TSNARE1: variants seen among roughly 807,000 people sequenced by gnomAD.
The protein encoded by TSNARE1 is t-SNARE domain-containing protein 1.
A neutral mutation model predicts 62.0 loss-of-function variants in TSNARE1; 49 were observed. The observed-to-expected ratio is 0.79, with a 90% CI of 0.63 to 1.00. TSNARE1 has a LOEUF of 1.00. Ranked by LOEUF, TSNARE1 falls within the 50% of genes least tolerant of loss-of-function variation. The pLI is 0.00. For synonymous variants in TSNARE1, 328 were observed against 294.4 expected (o/e 1.11, Z -1.17); for missense variants, 755 against 700.1 (o/e 1.08, Z -0.88).
intron 2 of TSNARE1, among the ~76,000 whole-genome samples, chr8:142,346,975 A>T (rs1323648216): frequency 6.6e-6 from 1 of 152,160 alleles, no homozygotes; most frequent in Non-Finnish European, 1.5e-5. Flanking sequence ...TACCTGGTCC[A>T]TCCTCCTGCC....
At chr8:142,373,857 G>C (rs367741375) in intron 1 of TSNARE1, among the ~76,000 whole-genome samples, 1 of 152,138 alleles carries the variant, frequency 6.6e-6, no homozygotes, top group African/African-American at 2.4e-5. Context: ...GGAGAGGGAC[G>C]GCCAGGGAGG....
chr8:142,281,115 C>G (rs1821375611), intron 11 of TSNARE1, among the ~76,000 whole-genome samples: 1 of 152,190 alleles, frequency 6.6e-6, no homozygotes, highest in South Asian at 2.1e-4. Context: ...GTTCTCGGCA[C>G]AGGCCCCAAG....
intron 1 of TSNARE1, among the ~76,000 whole-genome samples, chr8:142,379,916 G>A (rs1030621299): frequency 6.6e-6 from 1 of 152,234 alleles, no homozygotes; most frequent in African/African-American, 2.4e-5. Flanking sequence ...GGGAAAGGAA[G>A]CATCTAATCC....
rs1185560689 is a variant in TSNARE1 at position 142,343,981 on chromosome 8, G to A, written c.730C>T (p.Leu244=). 1 of 1,535,910 alleles carries A rather than the reference G, an allele frequency of 6.5e-7. No individual in the cohort carries two copies. Among genetic ancestry groups the A allele is most frequent in the Admixed American group, 2.0e-5 (1 of 50,538 alleles). The change falls in exon 4 of 14, where the codon CTG becomes TTG. Residue 244 remains leucine (L), a synonymous_variant. Coordinates refer to ENST00000524325, the MANE Select transcript of TSNARE1 (RefSeq NM_145003.5). ...AGGAACTCACCTCTGGGCGGCTCCA[G>A]ACTGAAGCCCTCGGAGGGCAGGGCC... ...CQALPSEGFS[L]EPPRATQVDP...
At chr8:142,213,420 C>T (rs1334133390) in intron 13 of TSNARE1, among the ~76,000 whole-genome samples, 1 of 150,610 alleles carries the variant, frequency 6.6e-6, no homozygotes, top group Non-Finnish European at 1.5e-5. Context: ...CTTCTCTGTA[C>T]TTTTCCATGA....
intron 1 of TSNARE1, among the ~76,000 whole-genome samples, chr8:142,394,603 G>A (rs1396349115): frequency 6.6e-6 from 1 of 152,144 alleles, no homozygotes; most frequent in Non-Finnish European, 1.5e-5. Context: ...CAGTTTCTAC[G>A]GCCAGACCCC....
intron 12 of TSNARE1, among the ~76,000 whole-genome samples, chr8:142,229,891 G>A (rs1405219380): frequency 6.6e-6 from 1 of 152,180 alleles, no homozygotes; most frequent in African/African-American, 2.4e-5. Flanking sequence ...AGGGATCTCG[G>A]CTGTTTCTCT....
At chr8:142,331,664 G>C in intron 5 of TSNARE1, 90 bp downstream of exon 5, 1 of 1,287,502 alleles carries the variant, frequency 7.8e-7, no homozygotes. Context: ...CCTGAGGGGG[G>C]AAGCCATCCA....
At chr8:142,380,996 C>T (rs1196215231) in intron 1 of TSNARE1, among the ~76,000 whole-genome samples, 3 of 152,234 alleles carry the variant, frequency 2.0e-5, no homozygotes, top group Non-Finnish European at 4.4e-5. Context: ...CTCCCAGCAT[C>T]ACCCACAGCA....
At chr8:142,284,127 A>C in intron 11 of TSNARE1, among the ~76,000 whole-genome samples, 1 of 100,438 alleles carries the variant, frequency 1.0e-5, no homozygotes, top group East Asian at 2.8e-4. Context: ...GAGGAGAGGC[A>C]GGGCCAGTGT....
chr8:142,213,852 C>G (rs987708787), intron 13 of TSNARE1, among the ~76,000 whole-genome samples: 1 of 152,222 alleles, frequency 6.6e-6, no homozygotes, highest in Admixed American at 6.5e-5. Flanking sequence ...GCCAAGGCAC[C>G]TGGTGCTGTG....
intron 6 of TSNARE1, among the ~76,000 whole-genome samples, chr8:142,323,998 A>G (rs1053377455): frequency 6.6e-5 from 10 of 152,172 alleles, no homozygotes; most frequent in Admixed American, 3.3e-4. Flanking sequence ...CCCGCCCTGG[A>G]CTGCTTCAGC....
At chr8:142,378,788 T>C (rs1836520710) in intron 1 of TSNARE1, among the ~76,000 whole-genome samples, 1 of 152,204 alleles carries the variant, frequency 6.6e-6, no homozygotes, top group Non-Finnish European at 1.5e-5. Context: ...CAGAGGTCCT[T>C]CAAGGCGCAC....
rs560486852 is a variant in TSNARE1 at position 142,356,284 on chromosome 8, C to G, written c.-39-1521G>C. ...AGGCAGCAGGGAGAGTGGTCCTCAG[C>G]CCCTCTCTCCACAGGTCTCAGGCCT... On this transcript the variant is annotated intron_variant, in intron 1 of 13. Transcript: ENST00000524325. 5.9e-5 allele frequency among the ~76,000 whole-genome samples: 9 copies of G among 152,314 alleles called. No individual in the cohort carries two copies. In the South Asian group the frequency reaches 1.9e-3, roughly 32 times the overall value.
chr8:142,324,945 AT>A (rs1318604601), intron 6 of TSNARE1, among the ~76,000 whole-genome samples: 1 of 152,104 alleles, frequency 6.6e-6, no homozygotes. Context: ...GGCTGGTTTG[AT>A]TTCCTGGTTC....
intron 11 of TSNARE1, 60 bp downstream of exon 11, chr8:142,284,352 TG>T: frequency 2.2e-6 from 3 of 1,387,684 alleles, no homozygotes; most frequent in Non-Finnish European, 2.0e-6. Context: ...GGGTGAGGGC[TG>T]GGGGCTGGCA....
intron 12 of TSNARE1, among the ~76,000 whole-genome samples, chr8:142,254,283 G>C (rs1242331351): frequency 6.6e-6 from 1 of 152,186 alleles, no homozygotes; most frequent in Non-Finnish European, 1.5e-5. Context: ...AGTGCCCCGT[G>C]GGGCCATGCT....
intron 12 of TSNARE1, among the ~76,000 whole-genome samples, chr8:142,246,568 C>A (rs1817891880): frequency 6.6e-6 from 1 of 152,180 alleles, no homozygotes; most frequent in Admixed American, 6.5e-5. Flanking sequence ...GGGTCTTGGA[C>A]TTAGGGTCAA....
chr8:142,340,739 T>G (rs1002279611), intron 4 of TSNARE1, among the ~76,000 whole-genome samples: 3 of 152,204 alleles, frequency 2.0e-5, no homozygotes, highest in African/African-American at 7.2e-5. Flanking sequence ...TTCCCACCAC[T>G]GTCTGGATCT....
Sources: gnomAD v4.1 joint callset for allele counts (sites outside exome capture counted in the v4.1 genomes callset) on GRCh38, gnomAD v4.1.1 for gene constraint, MANE v1.5 for transcripts, NCBI Gene and HGNC (gene_info 2026-07-23, HGNC 2026-07-21) for gene names.